ME3: variants seen among roughly 807,000 people sequenced by gnomAD.
The protein encoded by ME3 is NADP-dependent malic enzyme, mitochondrial.
A neutral mutation model predicts 68.9 loss-of-function variants in ME3; 48 were observed. That is an observed-to-expected ratio of 0.70 (90% confidence interval 0.55 to 0.89). The LOEUF (loss-of-function observed/expected upper bound fraction) is 0.89, where lower values mean the gene tolerates loss of function less well. Among genes scored for constraint, ME3 ranks in the 40% least tolerant of loss-of-function variants. The pLI, the probability that ME3 is intolerant of heterozygous loss-of-function variation, is 0.00. For synonymous variants in ME3, 320 were observed against 318.8 expected (o/e 1.00, Z -0.04); for missense variants, 675 against 797.4 (o/e 0.85, Z 1.85).
chr11:86,458,329 C>G (rs1301613228), intron 8 of ME3, among the ~76,000 whole-genome samples: 1 of 152,202 alleles, frequency 6.6e-6, no homozygotes, highest in Non-Finnish European at 1.5e-5. Flanking sequence ...CAAGCAAAGG[C>G]TTTCTACATT....
At chr11:86,671,902 G>A in exon 2 of ME3, 1 of 1,458,340 alleles carries the variant, frequency 6.9e-7, no homozygotes, top group Non-Finnish European at 9.0e-7. Flanking sequence ...GCCCGGCCCG[G>A]CCAGGGAGCC....
intron 2 of ME3, among the ~76,000 whole-genome samples, chr11:86,648,600 C>T (rs985929558): frequency 1.3e-5 from 2 of 151,960 alleles, no homozygotes; most frequent in African/African-American, 4.8e-5. Flanking sequence ...GATTCTTCTC[C>T]TTTTCTTCTT....
chr11:86,648,017 T>C (rs1945145430), intron 2 of ME3, among the ~76,000 whole-genome samples: 1 of 152,182 alleles, frequency 6.6e-6, no homozygotes, highest in African/African-American at 2.4e-5. Flanking sequence ...AGTAAAATAC[T>C]CCTCAGCAAA....
chr11:86,460,412 A>G (rs618513), intron 8 of ME3, among the ~76,000 whole-genome samples: 130,589 of 152,176 alleles, frequency 0.86, 56,081 homozygotes, highest in Non-Finnish European at 0.86. Flanking sequence ...AATGTGCCCT[A>G]GGCTCCTGCT....
At chr11:86,453,712 G>A (rs1294994422) in intron 8 of ME3, among the ~76,000 whole-genome samples, 1 of 152,196 alleles carries the variant, frequency 6.6e-6, no homozygotes, top group African/African-American at 2.4e-5. Context: ...TGAGTGTCCT[G>A]CATTTTGGTT....
rs34095490 is a variant in ME3 at position 86,549,046 on chromosome 11, T to A, written c.467+7507A>T. On this transcript the variant is annotated intron_variant, in intron 4 of 14. Transcript: ENST00000543262. ...TCCCATCCCAGACTTGCTCAGTCTA[T>A]TTTAACAAGCCCTCCAGGTGATTTT... 2.2e-3 allele frequency among the ~76,000 whole-genome samples: 330 copies of A among 152,284 alleles called. 3 individuals are homozygous for A. Among genetic ancestry groups the A allele is most frequent in the African/African-American group, 7.8e-3 (322 of 41,546 alleles).
intron 2 of ME3, among the ~76,000 whole-genome samples, chr11:86,650,609 C>T (rs531367898): frequency 6.6e-6 from 1 of 152,136 alleles, no homozygotes; most frequent in Non-Finnish European, 1.5e-5. Flanking sequence ...AACAAATTTA[C>T]AATGGGAAGT....
chr11:86,515,381 T>C (rs894996996), intron 4 of ME3, among the ~76,000 whole-genome samples: 1 of 152,000 alleles, frequency 6.6e-6, no homozygotes, highest in African/African-American at 2.4e-5. Context: ...GATTAAGAGG[T>C]AGATCTGTGA....
At chr11:86,589,353 G>A (rs1333012166) in intron 2 of ME3, among the ~76,000 whole-genome samples, 1 of 152,066 alleles carries the variant, frequency 6.6e-6, no homozygotes, top group African/African-American at 2.4e-5. Context: ...GGTTGGGGGA[G>A]GGAGAGGGAG....
At chr11:86,453,529 C>T (rs1772852545) in intron 8 of ME3, among the ~76,000 whole-genome samples, 1 of 152,108 alleles carries the variant, frequency 6.6e-6, no homozygotes, top group Admixed American at 6.5e-5. Context: ...ATATGCTTCC[C>T]CCCCACCACC....
intron 2 of ME3, among the ~76,000 whole-genome samples, chr11:86,584,828 C>G (rs150236588): frequency 6.6e-6 from 1 of 152,134 alleles, no homozygotes; most frequent in East Asian, 1.9e-4. Flanking sequence ...AATGGGTATA[C>G]GATTTCAGTT....
At chr11:86,663,673 T>C (rs1946421094) in intron 2 of ME3, among the ~76,000 whole-genome samples, 1 of 152,192 alleles carries the variant, frequency 6.6e-6, no homozygotes, top group Non-Finnish European at 1.5e-5. Flanking sequence ...CCTCTCACTA[T>C]AATACTGACA....
At chr11:86,499,232 G>C (rs1952562094) in intron 5 of ME3, among the ~76,000 whole-genome samples, 2 of 152,092 alleles carry the variant, frequency 1.3e-5, no homozygotes, top group African/African-American at 2.4e-5. Flanking sequence ...GGAGCGAGGA[G>C]ATGTAGGTTG....
intron 2 of ME3, among the ~76,000 whole-genome samples, chr11:86,600,478 CTT>C: frequency 6.6e-6 from 1 of 151,152 alleles, no homozygotes; most frequent in South Asian, 2.1e-4. Context: ...TACAAAGAGA[CTT>C]AGACTCCCAC....
At chr11:86,593,928 A>G (rs1959175660) in intron 2 of ME3, among the ~76,000 whole-genome samples, 1 of 146,670 alleles carries the variant, frequency 6.8e-6, no homozygotes, top group Non-Finnish European at 1.5e-5. Flanking sequence ...TGTAATGAGC[A>G]CAAAACTTTT....
chr11:86,654,658 C>G (rs1486473211), intron 2 of ME3, among the ~76,000 whole-genome samples: 1 of 152,302 alleles, frequency 6.6e-6, no homozygotes, highest in African/African-American at 2.4e-5. Context: ...TGGGCAAAAA[C>G]TGGAAGCATC....
chr11:86,667,509 A>C (rs1946655433), intron 2 of ME3, among the ~76,000 whole-genome samples: 1 of 152,212 alleles, frequency 6.6e-6, no homozygotes, highest in Admixed American at 6.5e-5. Flanking sequence ...TTGAGAGGAA[A>C]GGGGCCATGA....
exon 13 of ME3, chr11:86,446,374 C>T (rs1433779367): frequency 6.8e-6 from 11 of 1,614,222 alleles, no homozygotes; most frequent in East Asian, 6.7e-5. Context: ...CGATGACTCC[C>T]AGTGCCACCC....
At chr11:86,636,177 G>A (rs544157550) in intron 2 of ME3, among the ~76,000 whole-genome samples, 5 of 152,234 alleles carry the variant, frequency 3.3e-5, no homozygotes, top group Non-Finnish European at 5.9e-5. Flanking sequence ...GCAGGGCGGG[G>A]TATGTCTGGT....
Sources: gnomAD v4.1 joint callset for allele counts (sites outside exome capture counted in the v4.1 genomes callset) on GRCh38, gnomAD v4.1.1 for gene constraint, MANE v1.5 for transcripts, NCBI Gene and HGNC (gene_info 2026-07-23, HGNC 2026-07-21) for gene names.